ARHGEF12: variants seen among roughly 807,000 people sequenced by gnomAD.
ARHGEF12 encodes KMT2A/ARHGEF12 fusion protein.
ARHGEF12 carries 66 observed loss-of-function variants against 211.2 expected under a neutral mutation model. That is an observed-to-expected ratio of 0.31 (90% confidence interval 0.26 to 0.38). The LOEUF (loss-of-function observed/expected upper bound fraction) is 0.38, where lower values mean the gene tolerates loss of function less well. ARHGEF12 is among the 10% of genes least tolerant of loss of function. ARHGEF12 has a pLI of 1.00. For missense variants in ARHGEF12, 1,429 were observed against 1,869.5 expected (o/e 0.76, Z 4.34); for synonymous variants, 592 against 638.4 (o/e 0.93, Z 1.09).
intron 1 of ARHGEF12, among the ~76,000 whole-genome samples, chr11:120,379,628 A>G (rs1178468605): frequency 2.0e-5 from 3 of 151,690 alleles, no homozygotes; most frequent in African/African-American, 7.3e-5. Context: ...CTGTTTCTGT[A>G]TCTGTTTAGA....
At position 120,376,291 on chromosome 11, in the gene ARHGEF12, CA is replaced by C. The variant is rs1251576457; in HGVS notation, c.33-29824del. Among the ~76,000 whole-genome samples the C allele has an allele frequency of 2.0e-5, 3 of 151,764 alleles. No homozygotes were observed. In the East Asian group the frequency reaches 5.8e-4, roughly 29 times the overall value. Reference sequence around the variant, plus strand: ...TTTTTAAATGTTCAGATTGTATTTTCAAATTGTATTTTTGAAATAAAGCTTT... The same window carrying C: ...TTTTTAAATGTTCAGATTGTATTTTCAATTGTATTTTTGAAATAAAGCTTT... On this transcript the variant is annotated intron_variant, in intron 1 of 40. Coordinates refer to ENST00000397843, the MANE Select transcript of ARHGEF12 (RefSeq NM_015313.3).
chr11:120,469,240 G>GT lies in ARHGEF12; in HGVS notation c.2855-42dup, dbSNP rs761722340. 5 of 1,411,926 alleles carry GT rather than the reference G, an allele frequency of 3.5e-6. No individual in the cohort carries two copies. The African/African-American group carries it at 5.8e-5, about 16-fold the overall frequency. The allele number at this position is 1,411,926 out of a possible 1,614,324, so 87.5% of individuals were successfully genotyped here. A position where few individuals can be genotyped will look rare whatever the true frequency, so the allele number is the denominator to read the frequency against. ...AAATCTCATTTACATATATTTTATG[G>GT]TTTTTTGCTCAGTTCTTTTACATTT... On this transcript the variant is annotated intron_variant, in intron 29 of 40. Transcript: ENST00000397843.
chr11:120,482,573 G>A (rs1208384564), intron 39 of ARHGEF12, among the ~76,000 whole-genome samples: 1 of 152,020 alleles, frequency 6.6e-6, no homozygotes, highest in African/African-American at 2.4e-5. Flanking sequence ...GTGAAACCCC[G>A]TCTCTACTAA....
Position 120,421,862 on chromosome 11 carries a change from A to G in ARHGEF12, c.348+10A>G, listed in dbSNP as rs754044668. On this transcript the variant is annotated intron_variant, in intron 6 of 40. Coordinates refer to ENST00000397843, the MANE Select transcript of ARHGEF12 (RefSeq NM_015313.3). ...TGATCGAATCATCAAGGTAAGGAAT[A>G]GGCTATTATAGAATTTACGGTAGGA... 1.2e-6 allele frequency: 2 copies of G among 1,602,084 alleles called. No individual in the cohort carries two copies. Among genetic ancestry groups the G allele is most frequent in the Admixed American group, 3.4e-5 (2 of 58,824 alleles).
intron 1 of ARHGEF12, among the ~76,000 whole-genome samples, chr11:120,392,825 C>T (rs1387612052): frequency 6.6e-6 from 1 of 152,162 alleles, no homozygotes; most frequent in Non-Finnish European, 1.5e-5. Context: ...GAAATACTTT[C>T]ATAGATGCCA....
intron 1 of ARHGEF12, among the ~76,000 whole-genome samples, chr11:120,382,032 ATTG>A (rs1286610893): frequency 6.6e-6 from 1 of 152,220 alleles, no homozygotes; most frequent in African/African-American, 2.4e-5. Flanking sequence ...TGTTTTAAAA[ATTG>A]TTGTACTATT....
At position 120,469,304 on chromosome 11, in the gene ARHGEF12, G is replaced by A; in HGVS notation, c.2871G>A (p.Arg957=). The change falls in exon 30 of 41, where the codon AGG becomes AGA. Residue 957 remains arginine, a synonymous_variant. Transcript: ENST00000397843. ...CATATTTAGAATGGCCAACAGAAAG[G>A]GAGAAGGTGAAGAAAGCTGCAGATC... ...IAKYTEWPTE[R]EKVKKAADHC... 6.2e-7 allele frequency: 1 copy of A among 1,612,928 alleles called. No homozygotes were observed. Among genetic ancestry groups the A allele is most frequent in the Non-Finnish European group, 8.5e-7 (1 of 1,179,420 alleles).
chr11:120,467,606 CT>C (rs71050748), intron 29 of ARHGEF12, among the ~76,000 whole-genome samples: 34 of 106,898 alleles, frequency 3.2e-4, no homozygotes, highest in Admixed American at 5.2e-4. Flanking sequence ...CCACACTTGG[CT>C]TTTTTTTTTT....
At position 120,417,505 on chromosome 11, in the gene ARHGEF12, ATTTTT is replaced by A. The variant is rs34950022; in HGVS notation, c.200-3232_200-3228del. 4.6e-5 allele frequency among the ~76,000 whole-genome samples: 6 copies of A among 130,976 alleles called. No individual in the cohort carries two copies. The East Asian group carries it at 1.3e-3, about 29-fold the overall frequency. The allele number at this position is 130,976 out of a possible 152,430, so 85.9% of individuals were successfully genotyped here. On this transcript the variant is annotated intron_variant, in intron 4 of 40. Transcript: ENST00000397843. ...CTGTAAAATGCTGCTTAGTCTAATA[ATTTTT>A]TTTTTTTTTTTTTTTGAGATGGAGT...
chr11:120,439,985 G>T, intron 12 of ARHGEF12, 144 bp from the exon 13 acceptor site: 1 of 628,842 alleles, frequency 1.6e-6, no homozygotes, highest in Non-Finnish European at 2.7e-6. Context: ...CCCCTACTTT[G>T]AAAATAAAGT....
rs865832112 is a variant in ARHGEF12 at position 120,487,954 on chromosome 11, G to A, written c.*2877G>A. 7 of 220,124 alleles carry A rather than the reference G, an allele frequency of 3.2e-5. No homozygotes were observed. Among genetic ancestry groups the A allele is most frequent in the Admixed American group, 1.7e-4 (3 of 17,306 alleles). 13.6% of individuals were successfully genotyped at this position (220,124 alleles called of 1,614,324 possible). A position where few individuals can be genotyped will look rare whatever the true frequency, so the allele number is the denominator to read the frequency against. ...TTGAATTACATTGGCTTTTAGAACC[G>A]AAATTGTAACTATGTATTGTATTTC... On this transcript the variant is annotated 3_prime_UTR_variant, in exon 41 of 41. Transcript: ENST00000397843.
In ARHGEF12 at chr11:120,399,204, T is replaced by C. The variant is rs1038564139; in HGVS notation, c.33-6914T>C. On this transcript the variant is annotated intron_variant, in intron 1 of 40. Coordinates refer to ENST00000397843, the MANE Select transcript of ARHGEF12 (RefSeq NM_015313.3). ...GTGTGGTGGCATGCTCCTGTGGTCC[T>C]ACCTACTTAGGAGGCTAAGGTAGGA... is the stretch of plus-strand genomic sequence containing the variant. Among the ~76,000 whole-genome samples, 35 of 150,626 alleles carry C rather than the reference T, an allele frequency of 2.3e-4. 1 individual carries two copies. The highest frequency in any genetic ancestry group is 8.9e-5 in the Non-Finnish European group (6 of 67,712).
chr11:120,418,818 A>G (rs1236928197), intron 4 of ARHGEF12, among the ~76,000 whole-genome samples: 1 of 152,112 alleles, frequency 6.6e-6, no homozygotes, highest in Non-Finnish European at 1.5e-5. Flanking sequence ...CCATTGGTCT[A>G]TCTTTGTAAT....
chr11:120,366,929 T>C (rs1490028566), intron 1 of ARHGEF12, among the ~76,000 whole-genome samples: 1 of 152,034 alleles, frequency 6.6e-6, no homozygotes, highest in African/African-American at 2.4e-5. Flanking sequence ...GGCAGGAGAA[T>C]TGCTTGAACC....
At chr11:120,432,024 C>A (rs1411716065) in intron 11 of ARHGEF12, 113 bp downstream of exon 11, 3 of 984,508 alleles carry the variant, frequency 3.0e-6, no homozygotes, top group Non-Finnish European at 4.1e-6. Context: ...TTTTACCATC[C>A]CCATTTTTAA....
At chr11:120,465,191 G>C (rs1233838478) in intron 27 of ARHGEF12, 46 bp from the exon 28 acceptor site, 10 of 1,610,828 alleles carry the variant, frequency 6.2e-6, no homozygotes, top group Non-Finnish European at 8.5e-6. Flanking sequence ...GCTTGTATAA[G>C]CTCAGTTTCC....
At chr11:120,439,989 A>G in intron 12 of ARHGEF12, 140 bp from the exon 13 acceptor site, 2 of 650,270 alleles carry the variant, frequency 3.1e-6, no homozygotes, top group South Asian at 4.3e-5. Flanking sequence ...TACTTTGAAA[A>G]TAAAGTACTT....
rs777156604 is a variant in ARHGEF12 at position 120,477,412 on chromosome 11, G to A, written c.3453-35G>A. On this transcript the variant is annotated intron_variant, in intron 35 of 40. Transcript: ENST00000397843. ...CGATGATGTTTAGATACCTCAGGAA[G>A]GTAAAAGTTTTTTTTTTTTTTTTTT... is the stretch of plus-strand genomic sequence containing the variant. 6.5e-6 allele frequency: 10 copies of A among 1,529,324 alleles called. No individual in the cohort carries two copies. In the Admixed American group the frequency reaches 7.5e-5, roughly 12 times the overall value. 94.7% of individuals were successfully genotyped at this position (1,529,324 alleles called of 1,614,324 possible). A position where few individuals can be genotyped will look rare whatever the true frequency, so the allele number is the denominator to read the frequency against.
chr11:120,449,758 T>G (rs1319927483), intron 21 of ARHGEF12: 1 of 151,670 alleles, frequency 6.6e-6, no homozygotes, highest in Non-Finnish European at 1.5e-5. Flanking sequence ...TTAGTGGCAG[T>G]ATTCTGTCAA....
Sources: gnomAD v4.1 joint callset for allele counts (sites outside exome capture counted in the v4.1 genomes callset) on GRCh38, gnomAD v4.1.1 for gene constraint, MANE v1.5 for transcripts, NCBI Gene and HGNC (gene_info 2026-07-23, HGNC 2026-07-21) for gene names.